Variants in PATL1 observed in about 807,000 individuals in gnomAD.
The protein encoded by PATL1 is PAT1 homolog 1, processing body mRNA decay factor.
Under a neutral mutation model 100.6 loss-of-function variants are expected in PATL1, and 32 were observed. That is an observed-to-expected ratio of 0.32 (90% CI 0.24 to 0.43). PATL1 has a LOEUF of 0.43. Among genes scored for constraint, PATL1 ranks in the 20% least tolerant of loss-of-function variants. The pLI is 1.00. For missense variants in PATL1, 747 were observed against 949.9 expected, an observed-to-expected ratio of 0.79 and a Z score of 2.81; for synonymous variants, 332 against 330.0, an observed-to-expected ratio of 1.01 and a Z score of -0.07.
intron 16 of PATL1, among the ~76,000 whole-genome samples, chr11:59,640,717 C>A (rs1861265924): frequency 6.9e-6 from 1 of 145,072 alleles, no homozygotes; most frequent in Non-Finnish European, 1.5e-5. Context: ...AAGACTCTAT[C>A]TCAAAAGAAA....
Position 59,651,536 on chromosome 11 carries a change from A to G in PATL1, c.1524+8T>C, listed in dbSNP as rs1190795212. ...CGTTCTTAAACAGACAATTGTGTTGACACTTACATCATCCTCACTCCGAGA... is the reference window on the plus strand; with the variant it reads ...CGTTCTTAAACAGACAATTGTGTTGGCACTTACATCATCCTCACTCCGAGA... On this transcript the variant is annotated splice_region_variant and intron_variant, in intron 12 of 18. Transcript: ENST00000300146. 1.9e-6 allele frequency: 3 copies of G among 1,596,270 alleles called. No individual in the cohort carries two copies. The South Asian group carries it at 3.3e-5, about 18-fold the overall frequency.
At chr11:59,653,423 C>T (rs1236034848) in intron 9 of PATL1, among the ~76,000 whole-genome samples, 1 of 152,110 alleles carries the variant, frequency 6.6e-6, no homozygotes. Context: ...GCTCTGAAGT[C>T]TACATAAATT....
At chr11:59,658,997 G>C in intron 3 of PATL1, 51 bp from the exon 4 acceptor site, 3 of 1,447,876 alleles carry the variant, frequency 2.1e-6, no homozygotes, top group Non-Finnish European at 1.9e-6. Context: ...TACTCTCTGG[G>C]TGACTTATCT....
intron 1 of PATL1, 47 bp downstream of exon 1, chr11:59,668,834 G>C: frequency 8.0e-7 from 1 of 1,248,408 alleles, no homozygotes; most frequent in Non-Finnish European, 1.1e-6. Flanking sequence ...GTGAGGGAGA[G>C]GGGCGCGGGA....
chr11:59,668,855 G>C (rs1033917731), intron 1 of PATL1, 26 bp downstream of exon 1: 2 of 1,311,642 alleles, frequency 1.5e-6, no homozygotes, highest in South Asian at 1.4e-5. Flanking sequence ...GGGAGGGAGG[G>C]GTCACTTCCG....
intron 5 of PATL1, chr11:59,657,012 T>C (rs1421358557): frequency 2.2e-6 from 2 of 896,814 alleles, no homozygotes; most frequent in East Asian, 2.4e-4. Flanking sequence ...TTGTGATACA[T>C]TGTGACTCCA....
At position 59,659,268 on chromosome 11, in the gene PATL1, G is replaced by A. The variant is rs1861593948; in HGVS notation, c.329C>T (p.Thr110Ile). 2 of 1,551,340 alleles carry A rather than the reference G, an allele frequency of 1.3e-6. No homozygotes were observed. Among genetic ancestry groups the A allele is most frequent in the Non-Finnish European group, 1.7e-6 (2 of 1,146,766 alleles). ...EDPAIMRAVQ[T>I]RPVLQPQPGS... Reference sequence around the variant, plus strand: ...CTTACTTACTTGTAAAACTGGCCTGGTCTGCACTGCCCTCATAATAGCTGG... The same window carrying A: ...CTTACTTACTTGTAAAACTGGCCTGATCTGCACTGCCCTCATAATAGCTGG... The change falls in exon 3 of 19, where the codon ACC (threonine) becomes ATC (isoleucine). Residue 110 changes from threonine (T) to isoleucine (I), a missense_variant. Around this residue, in one of 4 missense-constraint regions of PATL1, gnomAD observed 183 missense variants for 221.2 expected, o/e 0.83. Coordinates refer to ENST00000300146, the MANE Select transcript of PATL1 (RefSeq NM_152716.3).
intron 15 of PATL1, among the ~76,000 whole-genome samples, chr11:59,645,128 A>G (rs1339622903): frequency 7.2e-6 from 1 of 139,424 alleles, no homozygotes; most frequent in East Asian, 2.1e-4. Flanking sequence ...ATCCCAAGGC[A>G]GAAGAATTTT....
chr11:59,665,485 T>G (rs1861674112), intron 2 of PATL1, among the ~76,000 whole-genome samples: 1 of 152,224 alleles, frequency 6.6e-6, no homozygotes. Context: ...GCATTGACTC[T>G]TACCTATTCA....
At chr11:59,647,660 C>A (rs1307056574) in intron 15 of PATL1, 94 bp downstream of exon 15, 6 of 1,320,980 alleles carry the variant, frequency 4.5e-6, no homozygotes, top group Non-Finnish European at 4.2e-6. Context: ...GACAAAAATA[C>A]AAAAGGGAAG....
At chr11:59,655,903 A>G in intron 7 of PATL1, 53 bp downstream of exon 7, 2 of 1,438,164 alleles carry the variant, frequency 1.4e-6, no homozygotes, top group South Asian at 2.5e-5. Context: ...TTATCTAATG[A>G]ACTTTAGGAA....
chr11:59,641,829 C>T (rs980169142), intron 16 of PATL1, among the ~76,000 whole-genome samples: 7 of 152,002 alleles, frequency 4.6e-5, no homozygotes, highest in African/African-American at 1.5e-4. Flanking sequence ...ACTAAGAGAC[C>T]AAATAACAGA....
intron 2 of PATL1, 136 bp downstream of exon 2, chr11:59,666,717 T>C (rs879145340): frequency 2.1e-6 from 2 of 954,938 alleles, no homozygotes; most frequent in Non-Finnish European, 3.0e-6. Flanking sequence ...TGAACTATTC[T>C]AAGATGAGGA....
Position 59,639,286 on chromosome 11 carries a change from A to G in PATL1, c.2141+6T>C, listed in dbSNP as rs1363699019. ...TAAAATAAGAGAAGAAACAGTCCACACTGACCACTGATTATTTTGTGTTGA... is the reference window on the plus strand; with the variant it reads ...TAAAATAAGAGAAGAAACAGTCCACGCTGACCACTGATTATTTTGTGTTGA... On this transcript the variant is annotated splice_donor_region_variant and intron_variant, in intron 17 of 18. Coordinates refer to ENST00000300146, the MANE Select transcript of PATL1 (RefSeq NM_152716.3). 11 of 1,554,992 alleles carry G rather than the reference A, an allele frequency of 7.1e-6. No homozygotes were observed. Among genetic ancestry groups the G allele is most frequent in the African/African-American group, 1.4e-5 (1 of 73,128 alleles).
Position 59,657,672 on chromosome 11 carries a change from TG to T in PATL1, c.478del (p.Gln160ArgfsTer33). ...LEYALPQRPPQGPEDDRDLSE... is the reference protein window; with the variant it reads ...LEYALPQRPPXGPEDDRDLSE... ...AAGGTCCCGATCATCTTCTGGACCC[TG>T]GGGGGGCCTCTGAGGCAAAGCATAT... On this transcript the variant is annotated frameshift_variant, in exon 5 of 19. Coordinates refer to ENST00000300146, the MANE Select transcript of PATL1 (RefSeq NM_152716.3). LOFTEE classifies it high-confidence loss of function. The T allele has an allele frequency of 1.2e-6, 2 of 1,613,412 alleles. No individual in the cohort carries two copies. The highest frequency in any genetic ancestry group is 8.5e-7 in the Non-Finnish European group (1 of 1,179,636).
intron 9 of PATL1, 74 bp from the exon 10 acceptor site, chr11:59,653,092 G>T: frequency 3.9e-6 from 5 of 1,292,878 alleles, no homozygotes; most frequent in South Asian, 1.9e-5. Context: ...GAATAAACCA[G>T]GCCAGTTTTT....
In PATL1 at chr11:59,656,464, T is replaced by C. The variant is rs752690703; in HGVS notation, c.723+35A>G. On this transcript the variant is annotated intron_variant, in intron 6 of 18. Coordinates refer to ENST00000300146, the MANE Select transcript of PATL1 (RefSeq NM_152716.3). ...TTACAAATAGTGATCAGAAAATACA[T>C]ACTGCACATTTTTGTTAGGCTTAAA... 6 of 1,535,956 alleles carry C rather than the reference T, an allele frequency of 3.9e-6. No homozygotes were observed. In the South Asian group the frequency reaches 6.8e-5, roughly 17 times the overall value.
intron 15 of PATL1, 108 bp from the exon 16 acceptor site, chr11:59,643,143 G>A: frequency 8.5e-7 from 1 of 1,181,582 alleles, no homozygotes; most frequent in Non-Finnish European, 1.2e-6. Context: ...ACCACTTAAG[G>A]CACAAGTCTG....
chr11:59,657,849 T>G, intron 4 of PATL1, 125 bp from the exon 5 acceptor site: 1 of 796,038 alleles, frequency 1.3e-6, no homozygotes, highest in Non-Finnish European at 1.8e-6. Flanking sequence ...AATTCACATA[T>G]AGTAAAATTC....
Sources: gnomAD v4.1 joint callset for allele counts (sites outside exome capture counted in the v4.1 genomes callset) on GRCh38, gnomAD v4.1.1 for gene constraint, gnomAD v4.1.1 regional missense constraint, MANE v1.5 for transcripts, NCBI Gene and HGNC (gene_info 2026-07-23, HGNC 2026-07-21) for gene names.